Variants in MIPEP observed in about 807,000 individuals in gnomAD.
MIPEP encodes mitochondrial intermediate peptidase.
Under a neutral mutation model 90.3 loss-of-function variants are expected in MIPEP, and 79 were observed. The observed-to-expected ratio is 0.87, with a 90% CI of 0.73 to 1.05. The LOEUF (loss-of-function observed/expected upper bound fraction) is 1.05. Among genes scored for constraint, MIPEP ranks in the 50% least tolerant of loss-of-function variants. The pLI, the probability that MIPEP is intolerant of heterozygous loss-of-function variation, is 0.00. For synonymous variants in MIPEP, 334 were observed against 315.8 expected (o/e 1.06, Z -0.61); for missense variants, 940 against 905.6 (o/e 1.04, Z -0.49).
chr13:23,731,968 AT>A (rs57109674), intron 18 of MIPEP, among the ~76,000 whole-genome samples: 7,108 of 97,750 alleles, frequency 0.073, 552 homozygotes, highest in African/African-American at 0.19. Flanking sequence ...AGAATAGCTA[AT>A]TTTTTTTTTT....
intron 1 of MIPEP, chr13:23,888,854 T>C (rs989047702): frequency 3.0e-6 from 2 of 675,788 alleles, no homozygotes; most frequent in Non-Finnish European, 2.0e-6. Flanking sequence ...TCACCGCCAC[T>C]GCCAGAACGA....
intron 16 of MIPEP, among the ~76,000 whole-genome samples, chr13:23,775,712 A>G (rs928639947): frequency 1.3e-5 from 2 of 152,240 alleles, no homozygotes; most frequent in Admixed American, 6.5e-5. Flanking sequence ...ATCCTTGCCA[A>G]AACAAAAACA....
chr13:23,760,112 G>A lies in MIPEP; in HGVS notation c.1954C>T (p.Gln652Ter), dbSNP rs751661538. The part of the protein sequence containing the change: ...ASMVWKECFL[Q>*]DPFNRAAGER... ...CCCCCTTACCTGTTGAAAGGATCCT[G>A]TAGAAAACACTCCTTCCAAACCATG... Residue 652 changes from glutamine (Q) to a stop codon, truncating the protein, a stop_gained, in exon 17 of 19, where the codon CAG (glutamine) becomes TAG (stop). Transcript: ENST00000382172. LOFTEE classifies it high-confidence loss of function. 28 of 1,614,000 alleles carry A rather than the reference G, an allele frequency of 1.7e-5. No individual in the cohort carries two copies. Among genetic ancestry groups the A allele is most frequent in the Admixed American group, 1.0e-4 (6 of 60,000 alleles).
chr13:23,744,135 G>A (rs1381341781), intron 18 of MIPEP, among the ~76,000 whole-genome samples: 4 of 152,164 alleles, frequency 2.6e-5, no homozygotes, highest in African/African-American at 9.7e-5. Context: ...TGCTTTGTAC[G>A]CTGTGCGTTC....
At chr13:23,815,162 A>G (rs559488123) in intron 14 of MIPEP, among the ~76,000 whole-genome samples, 1 of 152,290 alleles carries the variant, frequency 6.6e-6, no homozygotes, top group African/African-American at 2.4e-5. Flanking sequence ...GACGAACTTT[A>G]TTTACATTTT....
chr13:23,768,445 G>A (rs984149564), intron 16 of MIPEP, among the ~76,000 whole-genome samples: 1 of 152,196 alleles, frequency 6.6e-6, no homozygotes, highest in Non-Finnish European at 1.5e-5. Context: ...ACCAGGCACG[G>A]TGGCTCATGT....
chr13:23,756,346 G>A (rs1024997549), intron 18 of MIPEP, 199 bp downstream of exon 18: 7 of 513,574 alleles, frequency 1.4e-5, no homozygotes, highest in Non-Finnish European at 2.5e-5. Context: ...GTAGAGACAG[G>A]GTTTCACCAT....
chr13:23,815,641 G>A (rs952877983), intron 14 of MIPEP, among the ~76,000 whole-genome samples: 3 of 152,078 alleles, frequency 2.0e-5, no homozygotes, highest in Non-Finnish European at 2.9e-5. Flanking sequence ...TAAAATAGCC[G>A]ATTATCTTGA....
At chr13:23,803,609 T>C (rs550986759) in intron 16 of MIPEP, among the ~76,000 whole-genome samples, 1 of 152,318 alleles carries the variant, frequency 6.6e-6, no homozygotes, top group Admixed American at 6.5e-5. Context: ...TTTGAGAGTC[T>C]ATTAATTTGC....
At chr13:23,770,683 C>T (rs368658864) in intron 16 of MIPEP, among the ~76,000 whole-genome samples, 2 of 152,168 alleles carry the variant, frequency 1.3e-5, no homozygotes, top group African/African-American at 4.8e-5. Flanking sequence ...CACTCACCCA[C>T]CACCAGAGAC....
intron 7 of MIPEP, 57 bp from the exon 8 acceptor site, chr13:23,864,246 C>T (rs1870431599): frequency 8.5e-7 from 1 of 1,170,430 alleles, no homozygotes; most frequent in South Asian, 1.4e-5. Context: ...ATGAACATAT[C>T]TGTTAAAATT....
At chr13:23,886,092 C>CA (rs1269811480) in intron 2 of MIPEP, among the ~76,000 whole-genome samples, 1 of 151,824 alleles carries the variant, frequency 6.6e-6, no homozygotes, top group African/African-American at 2.4e-5. Flanking sequence ...TTATATATTA[C>CA]ATGTATATTT....
Position 23,861,196 on chromosome 13 carries a change from G to A in MIPEP, c.1053+1106C>T, listed in dbSNP as rs527291749. Among the ~76,000 whole-genome samples the A allele has an allele frequency of 4.6e-5, 7 of 152,174 alleles. 1 individual carries two copies. In the South Asian group the frequency reaches 1.2e-3, roughly 27 times the overall value. The stretch of plus-strand genomic sequence containing the variant: ...AGCAGGGACTTCATGAGGAGATTGG[G>A]CATTTCACAAATATCTGCAGAATAA... On this transcript the variant is annotated intron_variant, in intron 9 of 18. Coordinates refer to ENST00000382172, the MANE Select transcript of MIPEP (RefSeq NM_005932.4).
chr13:23,844,170 G>A (rs1200572041), intron 10 of MIPEP, among the ~76,000 whole-genome samples: 2 of 10,208 alleles, frequency 2.0e-4, no homozygotes, highest in South Asian at 7.6e-3. Context: ...AGGGAAGGGC[G>A]ATGCGGGCAG....
chr13:23,745,783 C>T (rs957359685), intron 18 of MIPEP, among the ~76,000 whole-genome samples: 4 of 151,722 alleles, frequency 2.6e-5, no homozygotes, highest in African/African-American at 7.3e-5. Context: ...AAAAAATTAG[C>T]GAAGTGTGGT....
chr13:23,840,464 AC>A (rs1446410163), intron 11 of MIPEP, among the ~76,000 whole-genome samples: 7 of 152,036 alleles, frequency 4.6e-5, no homozygotes, highest in African/African-American at 1.5e-4. Flanking sequence ...ACCCTTCATC[AC>A]CCGCATTTTG....
chr13:23,794,916 G>C (rs1952940202), intron 16 of MIPEP, among the ~76,000 whole-genome samples: 1 of 152,144 alleles, frequency 6.6e-6, no homozygotes, highest in Non-Finnish European at 1.5e-5. Context: ...AATAAACCTA[G>C]CATGACACAG....
At chr13:23,787,425 AG>A in intron 16 of MIPEP, among the ~76,000 whole-genome samples, 1 of 147,982 alleles carries the variant, frequency 6.8e-6, no homozygotes, top group African/African-American at 2.5e-5. Flanking sequence ...AGAGAGAGAG[AG>A]AAGACAGAGA....
chr13:23,809,985 A>T, intron 14 of MIPEP, 61 bp from the exon 15 acceptor site: 1 of 959,576 alleles, frequency 1.0e-6, no homozygotes, highest in African/African-American at 1.6e-5. Flanking sequence ...TGCACTATGT[A>T]TAAGCCAGGA....
Sources: gnomAD v4.1 joint callset for allele counts (sites outside exome capture counted in the v4.1 genomes callset) on GRCh38, gnomAD v4.1.1 for gene constraint, MANE v1.5 for transcripts, NCBI Gene and HGNC (gene_info 2026-07-23, HGNC 2026-07-21) for gene names.